The following XRCC6 variants were observed in gnomAD, a reference collection of about 807,000 sequenced individuals.
XRCC6 encodes X-ray repair cross complementing 6, also known as DNA repair protein Ku70.
XRCC6 carries 5 observed loss-of-function variants against 65.7 expected under a neutral mutation model. The ratio of observed to expected loss-of-function variants is 0.08; its 90% CI spans 0.04 to 0.16. The LOEUF (loss-of-function observed/expected upper bound fraction) is 0.16, where lower values mean the gene tolerates loss of function less well. XRCC6 is among the 10% of genes least tolerant of loss of function. XRCC6 has a pLI of 1.00. For missense variants in XRCC6, 447 were observed against 738.1 expected, an observed-to-expected ratio of 0.61 and a Z score of 4.57; for synonymous variants, 270 against 270.6, an observed-to-expected ratio of 1.00 and a Z score of 0.02.
chr22:41,625,106 G>C (rs2067655443), intron 2 of XRCC6, among the ~76,000 whole-genome samples: 2 of 151,976 alleles, frequency 1.3e-5, no homozygotes, highest in Admixed American at 1.3e-4. Context: ...AGGAGTTCAA[G>C]ACCAGCCTGG....
At position 41,648,236 on chromosome 22, in the gene XRCC6, C is replaced by G. The variant is rs115224085; in HGVS notation, c.960+1154C>G. 2.0e-3 allele frequency: 298 copies of G among 152,036 alleles called. 4 individuals are homozygous for G. The highest frequency in any genetic ancestry group is 6.7e-3 in the African/African-American group (280 of 41,496). The allele number at this position is 152,036 out of a possible 1,614,324, so 9.4% of individuals were successfully genotyped here. On this transcript the variant is annotated intron_variant, in intron 7 of 12. Transcript: ENST00000360079. ...CCTGTTAAACCACAAAGACTTAACT[C>G]TTTGGGACTGTGGTATCTGGATCAG...
intron 11 of XRCC6, among the ~76,000 whole-genome samples, chr22:41,659,878 G>A (rs1195451565): frequency 6.6e-6 from 1 of 151,442 alleles, no homozygotes; most frequent in Non-Finnish European, 1.5e-5. Context: ...TAGAGATGGG[G>A]GTTCACCATA....
rs988785854 is a variant in XRCC6 at position 41,656,951 on chromosome 22, C to T, written c.1340C>T (p.Pro447Leu). 1 of 1,612,518 alleles carries T rather than the reference C, an allele frequency of 6.2e-7. No homozygotes were observed. Among genetic ancestry groups the T allele is most frequent in the Non-Finnish European group, 8.5e-7 (1 of 1,179,602 alleles). Residue 447 changes from proline (P) to leucine (L), a missense_variant, in exon 10 of 13, where the codon CCC becomes CTC. Around this residue, in one of 4 missense-constraint regions of XRCC6, gnomAD observed 201 missense variants for 374.1 expected, o/e 0.54. Coordinates refer to ENST00000360079, the MANE Select transcript of XRCC6 (RefSeq NM_001469.5). ...TTTGCTGATGATAAAAGGAAGATGC[C>T]CTTTACTGAAAAAATCATGGCAACT... The part of the protein sequence containing the change: ...LPFADDKRKM[P>L]FTEKIMATPE...
In XRCC6 at chr22:41,658,257, A is replaced by G; in HGVS notation, c.1427A>G (p.Asp476Gly). 1.2e-6 allele frequency: 2 copies of G among 1,613,284 alleles called. No homozygotes were observed. The highest frequency in any genetic ancestry group is 4.5e-5 in the East Asian group (2 of 44,880). ...TTACATTATTGTTTTAACAGAAGTG[A>G]CAGCTTTGAGAACCCCGTGCTGCAG... The part of the protein sequence containing the change: ...VEKLRFTYRS[D>G]SFENPVLQQH... The change falls in exon 11 of 13, where the codon GAC becomes GGC. Residue 476 changes from aspartate (D) to glycine (G), a missense_variant. Asp to Gly is a moderately conservative substitution (Grantham distance 94). This residue lies in a region of XRCC6 where 201 missense variants were observed against 374.1 expected (regional missense o/e 0.54). Coordinates refer to ENST00000360079, the MANE Select transcript of XRCC6 (RefSeq NM_001469.5).
In XRCC6 at chr22:41,661,910, A is replaced by G. The variant is rs150278641; in HGVS notation, c.1636+466A>G. Reference sequence around the variant, plus strand: ...ACACAATGGAGTACTATTCGGCCATAAAAAAGAATGAGATCCTGTCATTTG... The same window carrying G: ...ACACAATGGAGTACTATTCGGCCATGAAAAAGAATGAGATCCTGTCATTTG... On this transcript the variant is annotated intron_variant, in intron 12 of 12. Transcript: ENST00000360079. Among the ~76,000 whole-genome samples, 10 of 152,324 alleles carry G rather than the reference A, an allele frequency of 6.6e-5. No homozygotes were observed. In the East Asian group the frequency reaches 1.9e-3, roughly 29 times the overall value.
chr22:41,633,219 G>A (rs2067774657), intron 3 of XRCC6, among the ~76,000 whole-genome samples: 2 of 152,218 alleles, frequency 1.3e-5, no homozygotes, highest in Admixed American at 1.3e-4. Context: ...TTACTTGCAG[G>A]ACATTAAAAC....
At chr22:41,651,754 C>A (rs369457212) in intron 8 of XRCC6, among the ~76,000 whole-genome samples, 17 of 151,794 alleles carry the variant, frequency 1.1e-4, no homozygotes, top group African/African-American at 4.1e-4. Context: ...TCTCGAACTC[C>A]TGACCTCGTG....
chr22:41,628,615 T>C (rs187633154), intron 3 of XRCC6, among the ~76,000 whole-genome samples: 38 of 152,198 alleles, frequency 2.5e-4, no homozygotes, highest in African/African-American at 8.2e-4. Flanking sequence ...CTGCCTGTGG[T>C]TGGGGAAGAT....
At chr22:41,628,297 G>T in intron 3 of XRCC6, 67 bp downstream of exon 3, 1 of 1,373,152 alleles carries the variant, frequency 7.3e-7, no homozygotes. Context: ...GGCGGCTCAT[G>T]CCTGTAATCT....
chr22:41,656,485 C>T, intron 9 of XRCC6, among the ~76,000 whole-genome samples: 1 of 150,810 alleles, frequency 6.6e-6, no homozygotes, highest in East Asian at 1.9e-4. Flanking sequence ...CACTGTACTC[C>T]AGCCTGGGCG....
intron 9 of XRCC6, among the ~76,000 whole-genome samples, chr22:41,655,327 GTT>G (rs200998071): frequency 7.8e-5 from 11 of 141,268 alleles, no homozygotes; most frequent in African/African-American, 1.5e-4. Flanking sequence ...ATTCATTTTA[GTT>G]TTTTTTTTTT....
At chr22:41,656,154 G>A (rs9611639) in intron 9 of XRCC6, among the ~76,000 whole-genome samples, 68 of 149,006 alleles carry the variant, frequency 4.6e-4, no homozygotes, top group Non-Finnish European at 9.8e-4. Flanking sequence ...AGAGGTAGAG[G>A]CTACAGTAAG....
chr22:41,621,964 TACTGACGTTA>T lies in XRCC6; in HGVS notation c.-15-23_-15-14del. 6.2e-7 allele frequency: 1 copy of T among 1,610,194 alleles called. No homozygotes were observed. ...ATTTTTTCGATTTAAATTTGCCTGT[TACTGACGTTA>T]ACGTCTTTCGCCTAGTGAGCAGTAG... is the stretch of plus-strand genomic sequence containing the variant. On this transcript the variant is annotated splice_polypyrimidine_tract_variant and intron_variant, in intron 1 of 12. Transcript: ENST00000360079.
At chr22:41,660,418 T>A in intron 11 of XRCC6, among the ~76,000 whole-genome samples, 1 of 152,192 alleles carries the variant, frequency 6.6e-6, no homozygotes, top group Non-Finnish European at 1.5e-5. Flanking sequence ...TATCAGTAAG[T>A]CCTGCCAGTT....
chr22:41,660,449 G>A (rs2068088997), intron 11 of XRCC6, among the ~76,000 whole-genome samples: 1 of 151,934 alleles, frequency 6.6e-6, no homozygotes, highest in Admixed American at 6.6e-5. Flanking sequence ...TCATGTTTAT[G>A]GGTCCTCCCA....
chr22:41,627,684 G>T (rs2067693960), intron 2 of XRCC6, among the ~76,000 whole-genome samples: 1 of 151,870 alleles, frequency 6.6e-6, no homozygotes, highest in Non-Finnish European at 1.5e-5. Flanking sequence ...ATCAGCCTGG[G>T]CAGTGTAGCA....
At chr22:41,637,877 C>T (rs2067826382) in intron 6 of XRCC6, 86 bp downstream of exon 6, 2 of 1,415,810 alleles carry the variant, frequency 1.4e-6, no homozygotes, top group Non-Finnish European at 1.9e-6. Context: ...GTAATCCCAA[C>T]AGTTTGGGAG....
At chr22:41,639,682 A>ATTTTTTTTTTTTTTTT (rs2067853690) in intron 6 of XRCC6, among the ~76,000 whole-genome samples, 1 of 8,952 alleles carries the variant, frequency 1.1e-4, no homozygotes, top group Non-Finnish European at 2.9e-4. Context: ...TTTTTTTTTG[A>ATTTTTTTTTTTTTTTT]GATGGAGTCT....
In XRCC6 at chr22:41,622,076, T is replaced by C; in HGVS notation, c.72T>C (p.Leu24=). Residue 24 remains leucine, a synonymous_variant, in exon 2 of 13, where the codon CTT becomes CTC. Transcript: ENST00000360079. ...CAGAGGAAGAACAAGAAGAGAACCT[T>C]GAAGCAAGTGGTAAGTGACTTCAGC... ...EEAEEEQEEN[L]EASGDYKYSG... 6.2e-7 allele frequency: 1 copy of C among 1,614,196 alleles called. No homozygotes were observed. Among genetic ancestry groups the C allele is most frequent in the Non-Finnish European group, 8.5e-7 (1 of 1,180,026 alleles).
Sources: allele counts gnomAD v4.1 joint callset (sites outside exome capture counted in the v4.1 genomes callset), GRCh38; gene constraint gnomAD v4.1.1; regional missense constraint gnomAD v4.1.1; transcripts MANE v1.5; gene names NCBI Gene and HGNC (gene_info 2026-07-23, HGNC 2026-07-21).